The following SDK1 variants were observed in gnomAD, a reference collection of about 807,000 sequenced individuals.
SDK1 encodes protein sidekick-1.
In SDK1, 157 loss-of-function variants were observed where a neutral mutation model predicts 245.5. That is an observed-to-expected ratio of 0.64 (90% confidence interval 0.56 to 0.73). The LOEUF is 0.73. Ranked by LOEUF, SDK1 falls within the 30% of genes least tolerant of loss-of-function variation. The pLI, the probability that SDK1 is intolerant of heterozygous loss-of-function variation, is 0.00. For synonymous variants in SDK1, 1,647 were observed against 1,278.5 expected, an observed-to-expected ratio of 1.29 and a Z score of -6.15; for missense variants, 3,583 against 3,002.3, an observed-to-expected ratio of 1.19 and a Z score of -4.52.
chr7:3,675,845 T>G (rs993419151), intron 4 of SDK1, among the ~76,000 whole-genome samples: 10 of 152,206 alleles, frequency 6.6e-5, no homozygotes, highest in African/African-American at 2.2e-4. Flanking sequence ...GAGAAGTATC[T>G]GTTCATGCCC....
chr7:3,548,600 A>G (rs1364713749), intron 1 of SDK1, among the ~76,000 whole-genome samples: 2 of 152,232 alleles, frequency 1.3e-5, no homozygotes, highest in Non-Finnish European at 2.9e-5. Context: ...ATTCCTGGAA[A>G]TGAAATAGCT....
chr7:3,914,017 A>G (rs957568494), intron 5 of SDK1, among the ~76,000 whole-genome samples: 5 of 152,202 alleles, frequency 3.3e-5, no homozygotes, highest in Non-Finnish European at 7.3e-5. Flanking sequence ...TTCTTGCCCT[A>G]TTATAAAGGA....
At chr7:3,358,655 G>T (rs1005154247) in intron 1 of SDK1, among the ~76,000 whole-genome samples, 3 of 152,128 alleles carry the variant, frequency 2.0e-5, no homozygotes, top group Non-Finnish European at 2.9e-5. Flanking sequence ...TTTTCTGTAG[G>T]ATTGAAGGTT....
At chr7:4,121,456 T>C (rs886246088) in intron 25 of SDK1, among the ~76,000 whole-genome samples, 1 of 152,332 alleles carries the variant, frequency 6.6e-6, no homozygotes, top group African/African-American at 2.4e-5. Context: ...TCTTCCTCCT[T>C]TACTCTCTCT....
In SDK1 at chr7:4,267,769, T is replaced by G. The variant is rs1454578377; in HGVS notation, c.*2385T>G. 5 of 985,522 alleles carry G rather than the reference T, an allele frequency of 5.1e-6. No individual in the cohort carries two copies. Among genetic ancestry groups the G allele is most frequent in the Non-Finnish European group, 6.0e-6 (5 of 829,994 alleles). The allele number at this position is 985,522 out of a possible 1,614,324, so 61.0% of individuals were successfully genotyped here. A position where few individuals can be genotyped will look rare whatever the true frequency, so the allele number is the denominator to read the frequency against. On this transcript the variant is annotated 3_prime_UTR_variant, in exon 45 of 45. Coordinates refer to ENST00000404826, the MANE Select transcript of SDK1 (RefSeq NM_152744.4). Reference sequence around the variant, plus strand: ...TCAAGCTCATGTTTTCCGTCTCCCCTCCACTCTTAGTAAACCTTGATCTGT... The same window carrying G: ...TCAAGCTCATGTTTTCCGTCTCCCCGCCACTCTTAGTAAACCTTGATCTGT...
At chr7:3,390,122 G>C (rs950584804) in intron 1 of SDK1, among the ~76,000 whole-genome samples, 5 of 152,136 alleles carry the variant, frequency 3.3e-5, no homozygotes, top group Non-Finnish European at 7.3e-5. Flanking sequence ...GCAAATTGTT[G>C]AAGGTACTGC....
At chr7:4,170,951 G>T (rs754541972) in intron 32 of SDK1, among the ~76,000 whole-genome samples, 2 of 152,184 alleles carry the variant, frequency 1.3e-5, no homozygotes, top group African/African-American at 2.4e-5. Context: ...AGTAAAATCA[G>T]CAGGCACTGT....
At position 3,874,634 on chromosome 7, in the gene SDK1, C is replaced by T. The variant is rs10239755; in HGVS notation, c.847+53051C>T. The stretch of plus-strand genomic sequence containing the variant: ...CCCTGCCCTATCTGCAGTGCGATCC[C>T]ACCCCTGCCCTCATGCTACAGTTTT... On this transcript the variant is annotated intron_variant, in intron 5 of 44. Coordinates refer to ENST00000404826, the MANE Select transcript of SDK1 (RefSeq NM_152744.4). 8.7e-3 allele frequency among the ~76,000 whole-genome samples: 1,329 copies of T among 152,224 alleles called. 22 individuals are homozygous for T. Among genetic ancestry groups the T allele is most frequent in the African/African-American group, 0.03 (1,258 of 41,502 alleles).
chr7:4,230,701 CATGGATGGATGG>C (rs1272080979), intron 40 of SDK1, among the ~76,000 whole-genome samples: 20 of 149,822 alleles, frequency 1.3e-4, no homozygotes. Flanking sequence ...TGGATGGTTA[CATGGATGGATGG>C]GTGGATGGAT....
At chr7:3,580,882 C>T (rs141370705) in intron 1 of SDK1, among the ~76,000 whole-genome samples, 7 of 145,980 alleles carry the variant, frequency 4.8e-5, no homozygotes, top group South Asian at 2.2e-4. Flanking sequence ...GCAGGAGAAT[C>T]GCTTGAACTG....
chr7:3,533,092 T>G (rs903951376), intron 1 of SDK1, among the ~76,000 whole-genome samples: 3 of 152,194 alleles, frequency 2.0e-5, no homozygotes, highest in African/African-American at 4.8e-5. Flanking sequence ...AGAAAATGAT[T>G]CCAGCACTGT....
chr7:3,639,194 A>T, intron 3 of SDK1, 84 bp downstream of exon 3: 1 of 660,466 alleles, frequency 1.5e-6, no homozygotes, highest in Non-Finnish European at 2.6e-6. Context: ...TCACCATTGT[A>T]GGAACTGAGA....
At position 3,855,841 on chromosome 7, in the gene SDK1, C is replaced by G. The variant is rs116740483; in HGVS notation, c.847+34258C>G. The stretch of plus-strand genomic sequence containing the variant: ...AAACTTAAGAATGTGGAAATCTGTG[C>G]TGCCTTTCAAGGGTCAAAATGAAGT... On this transcript the variant is annotated intron_variant, in intron 5 of 44. Transcript: ENST00000404826. Among the ~76,000 whole-genome samples, 817 of 152,292 alleles carry G rather than the reference C, an allele frequency of 5.4e-3. 9 individuals carry two copies. Among genetic ancestry groups the G allele is most frequent in the African/African-American group, 0.019 (786 of 41,556 alleles).
chr7:4,016,110 G>A (rs1466055232), intron 16 of SDK1, among the ~76,000 whole-genome samples: 3 of 152,180 alleles, frequency 2.0e-5, no homozygotes, highest in Non-Finnish European at 4.4e-5. Flanking sequence ...CTTCCCCTTC[G>A]TGCTCAGGTG....
At chr7:4,258,071 T>C (rs1787737205) in intron 44 of SDK1, among the ~76,000 whole-genome samples, 2 of 152,324 alleles carry the variant, frequency 1.3e-5, no homozygotes, top group South Asian at 4.1e-4. Flanking sequence ...CACCCACATG[T>C]GTCACAGACC....
rs140584287 is a variant in SDK1, at chr7:3,323,884, G to C, written c.298+22000G>C. ...AGTTTATTGATCTGTAGATAGGTTG[G>C]GTAAAGGTTCTTCTTCAGCCAGTAA... On this transcript the variant is annotated intron_variant, in intron 1 of 44. Coordinates refer to ENST00000404826, the MANE Select transcript of SDK1 (RefSeq NM_152744.4). 4.6e-3 allele frequency among the ~76,000 whole-genome samples: 704 copies of C among 152,266 alleles called. 6 individuals are homozygous for C. Among genetic ancestry groups the C allele is most frequent in the African/African-American group, 0.016 (675 of 41,540 alleles).
At chr7:3,829,106 A>G (rs914581976) in intron 5 of SDK1, among the ~76,000 whole-genome samples, 7 of 152,362 alleles carry the variant, frequency 4.6e-5, no homozygotes, top group African/African-American at 1.2e-4. Context: ...ATACATATAG[A>G]TGCGCTGCGG....
At chr7:4,025,018 A>T (rs781073613) in intron 17 of SDK1, among the ~76,000 whole-genome samples, 67 of 17,952 alleles carry the variant, frequency 3.7e-3, no homozygotes, top group Non-Finnish European at 6.6e-3. Flanking sequence ...TTTTGCATTC[A>T]CACACACACA....
chr7:3,741,158 C>G (rs375320256), intron 4 of SDK1, among the ~76,000 whole-genome samples: 5 of 152,212 alleles, frequency 3.3e-5, no homozygotes, highest in African/African-American at 1.2e-4. Flanking sequence ...GCTGAGCACT[C>G]TCTGAAGTGC....
Sources: allele counts gnomAD v4.1 joint callset (sites outside exome capture counted in the v4.1 genomes callset), GRCh38; gene constraint gnomAD v4.1.1; transcripts MANE v1.5; gene names NCBI Gene and HGNC (gene_info 2026-07-23, HGNC 2026-07-21).